Variants in OR10H1 observed in about 807,000 individuals in gnomAD.
OR10H1 encodes the protein olfactory receptor family 10 subfamily H member 1, also known as olfactory receptor 10H1.
OR10H1 carries 12 observed loss-of-function variants against 13.1 expected under a neutral mutation model. The observed-to-expected ratio is 0.92, with a 90% CI of 0.59 to 1.48. The LOEUF is 1.48. Among genes scored for constraint, OR10H1 ranks in the 40% most tolerant of loss-of-function variants. The probability of loss-of-function intolerance (pLI) is 0.00; values close to 1 mark genes in which losing one functional copy is unlikely to be tolerated. For synonymous variants in OR10H1, 168 were observed against 175.6 expected (o/e 0.96, Z 0.34); for missense variants, 363 against 413.1 (o/e 0.88, Z 1.05).
intron 1 of OR10H1, among the ~76,000 whole-genome samples, chr19:15,815,046 G>A (rs1234285269): frequency 6.6e-6 from 1 of 152,130 alleles, no homozygotes; most frequent in African/African-American, 2.4e-5. Context: ...GAGCTCTAAA[G>A]AAGGCAAGTC....
intron 1 of OR10H1, among the ~76,000 whole-genome samples, chr19:15,814,478 TGTG>T (rs2088954215): frequency 3.8e-5 from 1 of 26,462 alleles, no homozygotes; most frequent in African/African-American, 2.0e-4. Context: ...TGTGTGTGTG[TGTG>T]AGAGAGAGAG....
chr19:15,807,885 G>C lies in OR10H1; in HGVS notation c.153C>G (p.Ser51Arg), dbSNP rs769593874. Residue 51 changes from serine (S) to arginine (R), a missense_variant, in exon 4 of 4, where the codon AGC becomes AGG. Around this residue, in one of 3 missense-constraint regions of OR10H1, gnomAD observed 318 missense variants for 366.6 expected, o/e 0.87. Transcript: ENST00000641419. The part of the protein sequence containing the change: ...GNLLIMATVW[S>R]ERSLHTPMYL... The stretch of plus-strand genomic sequence containing the variant: ...ACATGGGCGTGTGGAGGCTGCGCTC[G>C]CTCCAGACGGTGGCCATGATGAGCA... The C allele has an allele frequency of 5.0e-6, 8 of 1,613,882 alleles. No individual in the cohort carries two copies. In the Admixed American group the frequency reaches 1.3e-4, roughly 27 times the overall value.
chr19:15,813,070 T>C (rs2144945304), intron 1 of OR10H1, among the ~76,000 whole-genome samples, 192 bp from the exon 2 acceptor site: 1 of 151,458 alleles, frequency 6.6e-6, no homozygotes, highest in East Asian at 1.9e-4. Flanking sequence ...GCCCCAAGAG[T>C]GAACTCTAAT....
chr19:15,806,212 C>T lies in OR10H1; in HGVS notation c.*869G>A, dbSNP rs915967028. On this transcript the variant is annotated 3_prime_UTR_variant, in exon 4 of 4. Transcript: ENST00000641419. ...AGTCTAGATGGAGGTTTGGTGCTAA[C>T]TGACACAGTTTCTTGCAGCAGATAG... 2.0e-5 allele frequency: 3 copies of T among 152,132 alleles called. No individual in the cohort carries two copies. The highest frequency in any genetic ancestry group is 4.4e-5 in the Non-Finnish European group (3 of 68,034). The allele number at this position is 152,132 out of a possible 1,614,324, so 9.4% of individuals were successfully genotyped here.
intron 2 of OR10H1, 21 bp downstream of exon 2, chr19:15,812,209 C>T (rs2088935928): frequency 1.3e-5 from 2 of 152,198 alleles, no homozygotes; most frequent in Admixed American, 1.3e-4. Context: ...CTGTCTTTTC[C>T]TAACCTCTTG....
chr19:15,807,793 A>C lies in OR10H1; in HGVS notation c.245T>G (p.Leu82Arg). Residue 82 changes from leucine to arginine, a missense_variant, in exon 4 of 4, where the codon CTG (leucine) becomes CGG (arginine). Physicochemically the swap from Leu to Arg is moderately radical, Grantham distance 102. Coordinates refer to ENST00000641419, the MANE Select transcript of OR10H1 (RefSeq NM_013940.4). ...LYTVAIIPRM[L>R]ADLLSTQRSI... ...GCGCTGGGTGGACAGCAGGTCGGCCAGCATGCGCGGGATGATGGCCACGGT... is the reference window on the plus strand; with the variant it reads ...GCGCTGGGTGGACAGCAGGTCGGCCCGCATGCGCGGGATGATGGCCACGGT... The C allele has an allele frequency of 6.2e-7, 1 of 1,607,332 alleles. No homozygotes were observed. The highest frequency in any genetic ancestry group is 8.5e-7 in the Non-Finnish European group (1 of 1,174,904).
intron 2 of OR10H1, among the ~76,000 whole-genome samples, chr19:15,809,884 T>G (rs1038234276): frequency 6.6e-6 from 1 of 152,018 alleles, no homozygotes; most frequent in Non-Finnish European, 1.5e-5. Flanking sequence ...ACAATTATCA[T>G]AGCTCACTGC....
chr19:15,810,356 G>C (rs1198369782), intron 2 of OR10H1, among the ~76,000 whole-genome samples: 1 of 148,030 alleles, frequency 6.8e-6, no homozygotes, highest in Non-Finnish European at 1.5e-5. Flanking sequence ...GGATGTGTCT[G>C]TTCTGAACAT....
In OR10H1 at chr19:15,807,761, C is replaced by A. The variant is rs768241536; in HGVS notation, c.277G>T (p.Ala93Ser). Reference sequence around the variant, plus strand: ...ATCTGACTGGCACAGGCCAGGAAGGCGATGGAGCGCTGGGTGGACAGCAGG... The same window carrying A: ...ATCTGACTGGCACAGGCCAGGAAGGAGATGGAGCGCTGGGTGGACAGCAGG... ...ADLLSTQRSI[A>S]FLACASQMFF... Residue 93 changes from alanine (A) to serine (S), a missense_variant, in exon 4 of 4, where the codon GCC becomes TCC. Physicochemically the swap from Ala to Ser is moderately conservative, Grantham distance 99. Transcript: ENST00000641419. The A allele has an allele frequency of 3.1e-6, 5 of 1,609,756 alleles. No individual in the cohort carries two copies. Among genetic ancestry groups the A allele is most frequent in the Non-Finnish European group, 3.4e-6 (4 of 1,176,868 alleles).
intron 1 of OR10H1, among the ~76,000 whole-genome samples, chr19:15,813,610 G>GCA (rs1463181391): frequency 1.4e-5 from 2 of 145,874 alleles, no homozygotes; most frequent in African/African-American, 5.2e-5. Context: ...TGGGGAAAGA[G>GCA]CACACACAGA....
At chr19:15,814,470 TGTGTGTGTGTGAGAGAGA>T (rs1181311242) in intron 1 of OR10H1, among the ~76,000 whole-genome samples, 328 of 54,460 alleles carry the variant, frequency 6.0e-3, no homozygotes, top group African/African-American at 9.2e-3. Flanking sequence ...TGTGTGTGTG[TGTGTGTGTGTGAGAGAGA>T]GAGAGAGAGA....
intron 2 of OR10H1, among the ~76,000 whole-genome samples, chr19:15,810,088 A>C (rs1374138287): frequency 6.6e-6 from 1 of 152,116 alleles, no homozygotes; most frequent in Non-Finnish European, 1.5e-5. Context: ...TGAGATCAGG[A>C]GTTCGAGACC....
Position 15,807,295 on chromosome 19 carries a change from AC to A in OR10H1, c.742del (p.Val248TrpfsTer14). On this transcript the variant is annotated frameshift_variant, in exon 4 of 4. Coordinates refer to ENST00000641419, the MANE Select transcript of OR10H1 (RefSeq NM_013940.4). LOFTEE classifies it high-confidence loss of function. ...GGCAAAGCCATAGTGCACGACCACC[AC>A]AGTGAGGTGAGAGGCACAGGTGGAG... ...AFSTCASHLT[V>X]VVVHYGFASV... 1 of 1,614,066 alleles carries A rather than the reference AC, an allele frequency of 6.2e-7. No homozygotes were observed. The highest frequency in any genetic ancestry group is 8.5e-7 in the Non-Finnish European group (1 of 1,179,950).
Position 15,806,076 on chromosome 19 carries a change from G to A in OR10H1, c.*1005C>T, listed in dbSNP as rs1035445821. 1 of 152,136 alleles carries A rather than the reference G, an allele frequency of 6.6e-6. No individual in the cohort carries two copies. Among genetic ancestry groups the A allele is most frequent in the Non-Finnish European group, 1.5e-5 (1 of 68,040 alleles). The allele number at this position is 152,136 out of a possible 1,614,324, so 9.4% of individuals were successfully genotyped here. A position where few individuals can be genotyped will look rare whatever the true frequency, so the allele number is the denominator to read the frequency against. On this transcript the variant is annotated 3_prime_UTR_variant, in exon 4 of 4. Coordinates refer to ENST00000641419, the MANE Select transcript of OR10H1 (RefSeq NM_013940.4). Reference sequence around the variant, plus strand: ...GTAGCCTTACAAAATCTGAGTTGTAGCTACCTGGTGCGGCACTCATAGAGA... The same window carrying A: ...GTAGCCTTACAAAATCTGAGTTGTAACTACCTGGTGCGGCACTCATAGAGA...
intron 1 of OR10H1, among the ~76,000 whole-genome samples, chr19:15,813,516 CAG>C (rs146495989): frequency 0.1 from 11,916 of 119,360 alleles, 1,211 homozygotes; most frequent in East Asian, 0.57. Flanking sequence ...GAGGGAGAAA[CAG>C]AGAGAGAGAG....
At position 15,810,954 on chromosome 19, in the gene OR10H1, T is replaced by G. The variant is rs77538182; in HGVS notation, c.-129+1276A>C. ...ATAGGTAAATTTCAGGTTGTATGTA[T>G]GTTATTACAATAAAAAGATCATTTT... On this transcript the variant is annotated intron_variant, in intron 2 of 3. Transcript: ENST00000641419. Among the ~76,000 whole-genome samples, 384 of 152,040 alleles carry G rather than the reference T, an allele frequency of 2.5e-3. 1 individual carries two copies. Among genetic ancestry groups the G allele is most frequent in the African/African-American group, 8.7e-3 (363 of 41,502 alleles).
At chr19:15,814,800 C>T (rs1469785388) in intron 1 of OR10H1, among the ~76,000 whole-genome samples, 13 of 152,248 alleles carry the variant, frequency 8.5e-5, no homozygotes, top group East Asian at 3.9e-4. Flanking sequence ...CCACTGCACC[C>T]GGCCCACCCT....
rs1333506505 is a variant in OR10H1 at position 15,812,269 on chromosome 19, T to A, written c.-168A>T. On this transcript the variant is annotated 5_prime_UTR_variant, in exon 2 of 4. Transcript: ENST00000641419. ...TGTTTCAAAGGCCACTAGGAGATGCTGCTTCCCCATGACTGACCGTCTACA... is the reference window on the plus strand; with the variant it reads ...TGTTTCAAAGGCCACTAGGAGATGCAGCTTCCCCATGACTGACCGTCTACA... 6.6e-6 allele frequency: 1 copy of A among 152,108 alleles called. No individual in the cohort carries two copies. Among genetic ancestry groups the A allele is most frequent in the Non-Finnish European group, 1.5e-5 (1 of 68,110 alleles). 9.4% of individuals were successfully genotyped at this position (152,108 alleles called of 1,614,324 possible).
At chr19:15,809,029 C>T (rs2088919127) in intron 2 of OR10H1, among the ~76,000 whole-genome samples, 188 bp from the exon 3 acceptor site, 1 of 152,120 alleles carries the variant, frequency 6.6e-6, no homozygotes, top group African/African-American at 2.4e-5. Flanking sequence ...CAGGGCGCGT[C>T]TCTAAATCTG....
Sources: allele counts gnomAD v4.1 joint callset (sites outside exome capture counted in the v4.1 genomes callset), GRCh38; gene constraint gnomAD v4.1.1; regional missense constraint gnomAD v4.1.1; transcripts MANE v1.5; gene names NCBI Gene and HGNC (gene_info 2026-07-23, HGNC 2026-07-21).